INTS2: variants seen among roughly 807,000 people sequenced by gnomAD.
INTS2 encodes integrator complex subunit 2.
In INTS2, 57 loss-of-function variants were observed where a neutral mutation model predicts 139.6. The ratio of observed to expected loss-of-function variants is 0.41; its 90% confidence interval spans 0.33 to 0.51. The LOEUF is 0.51. Ranked by LOEUF, INTS2 falls within the 20% of genes least tolerant of loss-of-function variation. The probability of loss-of-function intolerance (pLI) is 0.28; values close to 1 mark genes in which losing one functional copy is unlikely to be tolerated. For missense variants in INTS2, 1,196 were observed against 1,436.7 expected (o/e 0.83, Z 2.71); for synonymous variants, 473 against 493.4 (o/e 0.96, Z 0.55).
At chr17:61,921,671 T>C (rs1035358664) in intron 4 of INTS2, 54 bp downstream of exon 4, 11 of 849,678 alleles carry the variant, frequency 1.3e-5, no homozygotes, top group Non-Finnish European at 2.0e-5. Flanking sequence ...AGTTACACAG[T>C]ATCATTTAAC....
At chr17:61,903,703 T>A (rs1404395287) in intron 9 of INTS2, among the ~76,000 whole-genome samples, 5 of 147,202 alleles carry the variant, frequency 3.4e-5, no homozygotes, top group Admixed American at 2.7e-4. Context: ...AAGTAAAAAA[T>A]AATCATATAC....
chr17:61,912,516 A>G (rs1337505395), intron 5 of INTS2, among the ~76,000 whole-genome samples: 1 of 151,962 alleles, frequency 6.6e-6, no homozygotes, highest in African/African-American at 2.4e-5. Flanking sequence ...CGAGCTACTC[A>G]GGACGCTGAG....
chr17:61,895,635 C>T (rs2079339544), intron 11 of INTS2, among the ~76,000 whole-genome samples: 1 of 152,102 alleles, frequency 6.6e-6, no homozygotes, highest in Non-Finnish European at 1.5e-5. Flanking sequence ...TTATTTACTA[C>T]ATGGAGCTAG....
rs879779014 is a variant in INTS2, at chr17:61,883,351, T to TA, written c.2089+1549dup. Among the ~76,000 whole-genome samples, 173 of 135,518 alleles carry TA rather than the reference T, an allele frequency of 1.3e-3. 1 individual carries two copies. The South Asian group carries it at 0.018, about 14-fold the overall frequency. 88.9% of individuals were successfully genotyped at this position (135,518 alleles called of 152,430 possible). A position where few individuals can be genotyped will look rare whatever the true frequency, so the allele number is the denominator to read the frequency against. On this transcript the variant is annotated intron_variant, in intron 16 of 24. Transcript: ENST00000251334. ...AACATGATGAAACCACATCTCTACTTAAAAAAAAAAAAAGATTATACAAAG... is the reference window on the plus strand; with the variant it reads ...AACATGATGAAACCACATCTCTACTTAAAAAAAAAAAAAAGATTATACAAAG...
rs557738539 is a variant in INTS2, at chr17:61,901,873, C to T, written c.1307+2587G>A. ...TCAGCCTCCCAAAGTGCTGGGATTA[C>T]AGGCGTGAGCCAGTGTGCCTGGCCA... On this transcript the variant is annotated intron_variant, in intron 9 of 24. Transcript: ENST00000251334. Among the ~76,000 whole-genome samples the T allele has an allele frequency of 2.2e-3, 335 of 152,210 alleles. 1 individual carries two copies. Among genetic ancestry groups the T allele is most frequent in the African/African-American group, 7.8e-3 (324 of 41,540 alleles).
Position 61,919,415 on chromosome 17 carries a change from C to A in INTS2, c.634G>T (p.Asp212Tyr). The A allele has an allele frequency of 6.4e-7, 1 of 1,565,684 alleles. No individual in the cohort carries two copies. Among genetic ancestry groups the A allele is most frequent in the African/African-American group, 1.3e-5 (1 of 74,080 alleles). The change falls in exon 5 of 25, where the codon GAT becomes TAT. Residue 212 changes from aspartate (D) to tyrosine (Y), a missense_variant. Physicochemically the swap from Asp to Tyr is radical, Grantham distance 160. Transcript: ENST00000251334. ...TCATATTTACCTTCATTAAAACTAT[C>A]AGGAACATTGGCCACCAAGAGACAC... is the stretch of plus-strand genomic sequence containing the variant. ...FLCLLVANVP[D>Y]SFNEVCRGLI...
chr17:61,892,170 C>T (rs985817475), intron 13 of INTS2, among the ~76,000 whole-genome samples: 4 of 152,142 alleles, frequency 2.6e-5, no homozygotes, highest in Non-Finnish European at 5.9e-5. Context: ...TGCATGTGAA[C>T]TCTTAATTCT....
Position 61,872,734 on chromosome 17 carries a change from C to A in INTS2, c.2583-274G>T, listed in dbSNP as rs186050975. Among the ~76,000 whole-genome samples the A allele has an allele frequency of 2.9e-4, 44 of 151,878 alleles. No homozygotes were observed. Among genetic ancestry groups the A allele is most frequent in the African/African-American group, 9.4e-4 (39 of 41,408 alleles). On this transcript the variant is annotated intron_variant, in intron 19 of 24. Coordinates refer to ENST00000251334, the MANE Select transcript of INTS2 (RefSeq NM_001351695.2). This position sits in a 1 kb window ranked among gnomAD's most constrained non-coding sequence, Gnocchi z 4.8. Reference sequence around the variant, plus strand: ...TAAAGAAAAGATGACCGGGTGCGGGCAAAACAATATTGCATGAAGAAAAAC... The same window carrying A: ...TAAAGAAAAGATGACCGGGTGCGGGAAAAACAATATTGCATGAAGAAAAAC...
At chr17:61,906,982 A>AAAAAAC (rs1420408749) in intron 8 of INTS2, among the ~76,000 whole-genome samples, 2 of 151,620 alleles carry the variant, frequency 1.3e-5, no homozygotes, top group Admixed American at 6.6e-5. Flanking sequence ...AAAAAAAAAA[A>AAAAAAC]AACATTGTAC....
chr17:61,889,394 T>C (rs1603376156), intron 15 of INTS2, among the ~76,000 whole-genome samples: 2 of 152,258 alleles, frequency 1.3e-5, no homozygotes, highest in South Asian at 2.1e-4. Flanking sequence ...GCCTTTTCTA[T>C]TGTTTTTGAT....
In INTS2 at chr17:61,889,770, T is replaced by C; in HGVS notation, c.1984+16A>G. The stretch of plus-strand genomic sequence containing the variant: ...AATAAACTACCACTAGAACCACTCC[T>C]CTACGTACAACTTACCTAAAGTCTT... On this transcript the variant is annotated intron_variant, in intron 15 of 24. Coordinates refer to ENST00000251334, the MANE Select transcript of INTS2 (RefSeq NM_001351695.2). 7.7e-7 allele frequency: 1 copy of C among 1,304,684 alleles called. No homozygotes were observed. The highest frequency in any genetic ancestry group is 1.1e-6 in the Non-Finnish European group (1 of 906,964). 80.8% of individuals were successfully genotyped at this position (1,304,684 alleles called of 1,614,324 possible). A position where few individuals can be genotyped will look rare whatever the true frequency, so the allele number is the denominator to read the frequency against.
chr17:61,892,568 A>T (rs1438422511), intron 13 of INTS2, among the ~76,000 whole-genome samples: 1 of 152,046 alleles, frequency 6.6e-6, no homozygotes, highest in Non-Finnish European at 1.5e-5. Context: ...GAAGTAGGAG[A>T]ATTGCTTGAG....
intron 9 of INTS2, among the ~76,000 whole-genome samples, chr17:61,898,188 T>C (rs1314426122): frequency 6.6e-6 from 1 of 152,148 alleles, no homozygotes; most frequent in African/African-American, 2.4e-5. Flanking sequence ...TGAAATTTAA[T>C]TTATAGAAAC....
intron 12 of INTS2, among the ~76,000 whole-genome samples, chr17:61,894,778 G>A (rs1489254329): frequency 6.6e-6 from 1 of 151,928 alleles, no homozygotes; most frequent in Non-Finnish European, 1.5e-5. Flanking sequence ...AACCCAGGAG[G>A]CAGAGGTTGC....
At chr17:61,885,163 AGTGGCTAC>A in intron 15 of INTS2, 158 bp from the exon 16 acceptor site, 1 of 605,032 alleles carries the variant, frequency 1.7e-6, no homozygotes, top group Non-Finnish European at 2.9e-6. Context: ...TACGAAAACA[AGTGGCTAC>A]ACAGGAAGAA....
At chr17:61,902,076 C>G (rs1299081246) in intron 9 of INTS2, among the ~76,000 whole-genome samples, 1 of 152,146 alleles carries the variant, frequency 6.6e-6, no homozygotes, top group Non-Finnish European at 1.5e-5. Flanking sequence ...CTTCTAACTT[C>G]CAGTGTTGTC....
At position 61,907,521 on chromosome 17, in the gene INTS2, A is replaced by G; in HGVS notation, c.1068T>C (p.Asp356=). The G allele has an allele frequency of 1.3e-6, 2 of 1,599,552 alleles. No individual in the cohort carries two copies. Among genetic ancestry groups the G allele is most frequent in the Non-Finnish European group, 1.7e-6 (2 of 1,173,080 alleles). ...CAGACACATTGGGCTCCATATCCAC[A>G]TCAGCTTCTTCCACAATTCGGGTGC... ...VRSTRIVEEA[D]VDMEPNVSVY... The change falls in exon 8 of 25, where the codon GAT becomes GAC. Residue 356 remains aspartate, a synonymous_variant. Transcript: ENST00000251334.
intron 19 of INTS2, chr17:61,874,114 G>T (rs1230637082): frequency 6.6e-6 from 1 of 152,048 alleles, no homozygotes; most frequent in East Asian, 1.9e-4. Context: ...TGGGAGTGAA[G>T]AGGGAACAAA....
At chr17:61,894,840 A>T (rs76087601) in intron 12 of INTS2, among the ~76,000 whole-genome samples, 27 of 65,660 alleles carry the variant, frequency 4.1e-4, no homozygotes, top group East Asian at 6.6e-3. Flanking sequence ...AAAGTGAGAT[A>T]AAAAAAAAAA....
Sources: gnomAD v4.1 joint callset for allele counts (sites outside exome capture counted in the v4.1 genomes callset) on GRCh38, gnomAD v4.1.1 for gene constraint, Gnocchi (gnomAD v3.1) non-coding constraint, MANE v1.5 for transcripts, NCBI Gene and HGNC (gene_info 2026-07-23, HGNC 2026-07-21) for gene names.